LAMA2: variants seen among roughly 807,000 people sequenced by gnomAD.
The protein encoded by LAMA2 is laminin subunit alpha 2, also known as laminin subunit alpha-2.
LAMA2 carries 269 observed loss-of-function variants against 364.8 expected under a neutral mutation model. The observed-to-expected ratio is 0.74, with a 90% CI of 0.67 to 0.82. The LOEUF (loss-of-function observed/expected upper bound fraction) is 0.82. LAMA2 is among the 40% of genes least tolerant of loss of function. The pLI, the probability that LAMA2 is intolerant of heterozygous loss-of-function variation, is 0.00. For synonymous variants in LAMA2, 1,379 were observed against 1,370.6 expected (o/e 1.01, Z -0.14); for missense variants, 3,807 against 3,873.2 (o/e 0.98, Z 0.45).
At chr6:129,413,729 A>C (rs1780650169) in intron 40 of LAMA2, among the ~76,000 whole-genome samples, 1 of 152,204 alleles carries the variant, frequency 6.6e-6, no homozygotes, top group African/African-American at 2.4e-5. Context: ...AATGGAAATA[A>C]AATTTCACCT....
intron 12 of LAMA2, among the ~76,000 whole-genome samples, chr6:129,203,677 G>A (rs1782442732): frequency 6.6e-6 from 1 of 152,122 alleles, no homozygotes; most frequent in Admixed American, 6.5e-5. Flanking sequence ...ATGAGAATTG[G>A]GTGAAAGCTA....
chr6:128,939,743 C>T (rs971125831), intron 1 of LAMA2, among the ~76,000 whole-genome samples: 5 of 152,060 alleles, frequency 3.3e-5, no homozygotes. Context: ...ATAGGCATCT[C>T]TTTATTATCT....
chr6:129,341,993 A>T (rs1187782881), intron 29 of LAMA2, among the ~76,000 whole-genome samples: 1 of 152,248 alleles, frequency 6.6e-6, no homozygotes, highest in African/African-American at 2.4e-5. Flanking sequence ...ATGAAGAAAC[A>T]TAAATGCCTA....
intron 18 of LAMA2, 45 bp from the exon 19 acceptor site, chr6:129,287,802 A>G (rs780985060): frequency 5.4e-6 from 8 of 1,472,310 alleles, no homozygotes; most frequent in African/African-American, 4.2e-5. Flanking sequence ...CATTGCCCCA[A>G]CTGAGGTCCC....
rs533652939 is a variant in LAMA2, at chr6:128,900,393, A to G, written c.112+17036A>G. ...TACTACTGTATCCTTACTGCATAGC[A>G]CAGTGCCTGGCACCTAGCATGGTCA... On this transcript the variant is annotated intron_variant, in intron 1 of 64. Coordinates refer to ENST00000421865, the MANE Select transcript of LAMA2 (RefSeq NM_000426.4). 2.2e-4 allele frequency among the ~76,000 whole-genome samples: 34 copies of G among 152,324 alleles called. No individual in the cohort carries two copies. The Middle Eastern group carries it at 0.014, about 61-fold the overall frequency.
Position 129,252,031 on chromosome 6 carries a change from T to C in LAMA2, c.1885-53T>C, listed in dbSNP as rs1283279719. The C allele has an allele frequency of 8.2e-6, 10 of 1,214,002 alleles. No homozygotes were observed. In the Admixed American group the frequency reaches 1.1e-4, roughly 13 times the overall value. 75.2% of individuals were successfully genotyped at this position (1,214,002 alleles called of 1,614,324 possible). ...CAAATATAGATATGTTTGACACTTT[T>C]GTACCCTCTTTTCAGTTTTACTCTT... On this transcript the variant is annotated intron_variant, in intron 13 of 64. Coordinates refer to ENST00000421865, the MANE Select transcript of LAMA2 (RefSeq NM_000426.4).
intron 12 of LAMA2, among the ~76,000 whole-genome samples, chr6:129,244,360 T>A (rs538856831): frequency 2.0e-5 from 3 of 152,228 alleles, no homozygotes; most frequent in African/African-American, 7.2e-5. Context: ...TAAACACTTC[T>A]ATGGGAGGGA....
chr6:129,126,185 T>G (rs1777106672), intron 4 of LAMA2, among the ~76,000 whole-genome samples: 1 of 152,178 alleles, frequency 6.6e-6, no homozygotes, highest in Non-Finnish European at 1.5e-5. Flanking sequence ...GCTGACAAAT[T>G]TTGTTTCTTT....
At chr6:128,958,809 A>G (rs898848718) in intron 1 of LAMA2, among the ~76,000 whole-genome samples, 2 of 152,192 alleles carry the variant, frequency 1.3e-5, no homozygotes, top group Admixed American at 6.5e-5. Flanking sequence ...TCACTCTCAG[A>G]GACATGACTG....
chr6:129,155,026 C>T (rs1452607912), intron 8 of LAMA2, among the ~76,000 whole-genome samples: 1 of 151,978 alleles, frequency 6.6e-6, no homozygotes, highest in East Asian at 1.9e-4. Flanking sequence ...TTTTTTCACT[C>T]GACATAATAT....
chr6:129,018,649 TA>T, intron 1 of LAMA2, among the ~76,000 whole-genome samples: 1 of 152,146 alleles, frequency 6.6e-6, no homozygotes, highest in African/African-American at 2.4e-5. Flanking sequence ...TTCTAAATGA[TA>T]GGGTCCTATT....
At chr6:129,311,779 G>A (rs2114491149) in intron 22 of LAMA2, among the ~76,000 whole-genome samples, 2 of 152,264 alleles carry the variant, frequency 1.3e-5, no homozygotes, top group South Asian at 4.1e-4. Context: ...AGAAATTAAA[G>A]ATGAGAGAAA....
chr6:129,373,534 T>G (rs1019394905), intron 34 of LAMA2, among the ~76,000 whole-genome samples: 1 of 152,156 alleles, frequency 6.6e-6, no homozygotes, highest in Non-Finnish European at 1.5e-5. Flanking sequence ...AACCCAAGAC[T>G]GTATTCATAT....
At chr6:129,189,217 G>A (rs1387572951) in intron 10 of LAMA2, among the ~76,000 whole-genome samples, 1 of 151,504 alleles carries the variant, frequency 6.6e-6, no homozygotes, top group African/African-American at 2.4e-5. Flanking sequence ...CATGGAGAGA[G>A]AAGTTAGTTG....
chr6:129,483,618 G>A (rs1784459692), intron 55 of LAMA2, among the ~76,000 whole-genome samples: 2 of 152,098 alleles, frequency 1.3e-5, no homozygotes, highest in South Asian at 4.1e-4. Context: ...TTATTTTTCT[G>A]TGAATCATGA....
intron 4 of LAMA2, among the ~76,000 whole-genome samples, chr6:129,120,179 A>G (rs985982330): frequency 6.6e-6 from 1 of 152,190 alleles, no homozygotes; most frequent in Admixed American, 6.5e-5. Context: ...GGTGATTGTA[A>G]AAATATCAAA....
intron 12 of LAMA2, among the ~76,000 whole-genome samples, chr6:129,220,674 C>T (rs1783763646): frequency 6.6e-6 from 1 of 152,000 alleles, no homozygotes; most frequent in Admixed American, 6.6e-5. Flanking sequence ...AAATAGTTTC[C>T]AATTATAACC....
intron 28 of LAMA2, among the ~76,000 whole-genome samples, chr6:129,324,574 C>T (rs1453065801): frequency 6.6e-6 from 1 of 152,156 alleles, no homozygotes; most frequent in African/African-American, 2.4e-5. Flanking sequence ...GTTAGGTGAT[C>T]TCCTCATTGT....
chr6:129,142,533 G>A (rs78942652), intron 4 of LAMA2, among the ~76,000 whole-genome samples: 91 of 151,996 alleles, frequency 6.0e-4, no homozygotes, highest in African/African-American at 2.1e-3. Flanking sequence ...ATTTTAGTAG[G>A]GGGGAGGCAA....
Sources: allele counts gnomAD v4.1 joint callset (sites outside exome capture counted in the v4.1 genomes callset), GRCh38; gene constraint gnomAD v4.1.1; transcripts MANE v1.5; gene names NCBI Gene and HGNC (gene_info 2026-07-23, HGNC 2026-07-21).